Variants in IQGAP2 observed in about 807,000 individuals in gnomAD.
The protein encoded by IQGAP2 is ras GTPase-activating-like protein IQGAP2.
In IQGAP2, 173 loss-of-function variants were observed where a neutral mutation model predicts 201.3. That is an observed-to-expected ratio of 0.86 (90% CI 0.76 to 0.98). The LOEUF (loss-of-function observed/expected upper bound fraction) is 0.98. Ranked by LOEUF, IQGAP2 falls within the 50% of genes least tolerant of loss-of-function variation. IQGAP2 has a pLI of 0.00. For synonymous variants in IQGAP2, 675 were observed against 673.9 expected (o/e 1.00, Z -0.03); for missense variants, 1,687 against 1,864.8 (o/e 0.90, Z 1.76).
At chr5:76,645,644 T>TAGAC (rs1441862055) in intron 17 of IQGAP2, among the ~76,000 whole-genome samples, 32 of 152,346 alleles carry the variant, frequency 2.1e-4, no homozygotes, top group African/African-American at 7.5e-4. Flanking sequence ...CATAAATGTC[T>TAGAC]TCTTTTGAGA....
intron 24 of IQGAP2, 133 bp from the exon 25 acceptor site, chr5:76,673,316 G>C: frequency 1.2e-6 from 1 of 838,386 alleles, no homozygotes; most frequent in Non-Finnish European, 1.8e-6. Context: ...CCCTCATTTA[G>C]TAAACATTTT....
chr5:76,470,424 G>A (rs1271418923), intron 2 of IQGAP2, among the ~76,000 whole-genome samples: 1 of 152,142 alleles, frequency 6.6e-6, no homozygotes, highest in East Asian at 1.9e-4. Flanking sequence ...TTCACAGGGT[G>A]TCTTCATAGG....
At position 76,538,488 on chromosome 5, in the gene IQGAP2, T is replaced by C. The variant is rs540836899; in HGVS notation, c.147-23908T>C. On this transcript the variant is annotated intron_variant, in intron 2 of 35. Coordinates refer to ENST00000274364, the MANE Select transcript of IQGAP2 (RefSeq NM_006633.5). ...GAGGGACCCAGAGCTGACCTCTGCC[T>C]GCCTCAAGCCGGATTACAATTCTGT... is the stretch of plus-strand genomic sequence containing the variant. 3.4e-3 allele frequency among the ~76,000 whole-genome samples: 525 copies of C among 152,356 alleles called. 3 individuals are homozygous for C. Among genetic ancestry groups the C allele is most frequent in the Middle Eastern group, 0.014 (4 of 294 alleles).
chr5:76,562,455 T>C lies in IQGAP2; in HGVS notation c.206T>C (p.Leu69Pro). 1 of 1,613,904 alleles carries C rather than the reference T, an allele frequency of 6.2e-7. No homozygotes were observed. The highest frequency in any genetic ancestry group is 8.5e-7 in the Non-Finnish European group (1 of 1,179,824). Residue 69 changes from leucine (L) to proline (P), a missense_variant, in exon 3 of 36, where the codon CTC (leucine) becomes CCC (proline). Physicochemically the swap from Leu to Pro is moderately conservative, Grantham distance 98. Transcript: ENST00000274364. ...CCAACCACTGAATTGGAAGAAGGGC[T>C]CCGGAATGGAGTTTACCTTGCAAAG... ...LPPTTELEEG[L>P]RNGVYLAKLA...
chr5:76,466,058 C>T (rs1754756285), intron 2 of IQGAP2, among the ~76,000 whole-genome samples: 1 of 151,716 alleles, frequency 6.6e-6, no homozygotes, highest in Non-Finnish European at 1.5e-5. Flanking sequence ...ATATGGTGGC[C>T]AGGTCTGGTG....
chr5:76,542,761 G>A (rs1053757536), intron 2 of IQGAP2, among the ~76,000 whole-genome samples: 4 of 152,128 alleles, frequency 2.6e-5, no homozygotes, highest in African/African-American at 9.7e-5. Flanking sequence ...ATCATGTTTT[G>A]CATCTGCCCA....
intron 3 of IQGAP2, among the ~76,000 whole-genome samples, chr5:76,567,449 TAAC>T (rs1449211323): frequency 1.3e-5 from 2 of 152,340 alleles, no homozygotes; most frequent in African/African-American, 4.8e-5. Flanking sequence ...CTCAATGTAA[TAAC>T]AACAGTATCT....
At chr5:76,496,725 T>TC (rs1554061562) in intron 2 of IQGAP2, among the ~76,000 whole-genome samples, 1 of 93,588 alleles carries the variant, frequency 1.1e-5, no homozygotes, top group Non-Finnish European at 2.0e-5. Context: ...TCTTTCTTTC[T>TC]TTTCTTTCTT....
intron 8 of IQGAP2, among the ~76,000 whole-genome samples, chr5:76,592,026 G>C (rs1746695975): frequency 6.6e-6 from 1 of 152,084 alleles, no homozygotes; most frequent in Admixed American, 6.6e-5. Flanking sequence ...CACCAGTCTT[G>C]CCTCAGTCCT....
At chr5:76,439,507 T>C (rs957884874) in intron 1 of IQGAP2, among the ~76,000 whole-genome samples, 1 of 152,236 alleles carries the variant, frequency 6.6e-6, no homozygotes, top group Admixed American at 6.5e-5. Flanking sequence ...AATAGTTTTA[T>C]GAAGCTGGGA....
At chr5:76,446,841 GA>G (rs2150110327) in intron 1 of IQGAP2, among the ~76,000 whole-genome samples, 1 of 152,270 alleles carries the variant, frequency 6.6e-6, no homozygotes, top group South Asian at 2.1e-4. Context: ...GCCCATCCGT[GA>G]AAAAAGATGT....
At chr5:76,621,780 A>T (rs931361473) in intron 13 of IQGAP2, among the ~76,000 whole-genome samples, 5 of 152,034 alleles carry the variant, frequency 3.3e-5, no homozygotes, top group South Asian at 4.2e-4. Flanking sequence ...TCATTGTTAA[A>T]TTTTTTTATT....
intron 25 of IQGAP2, 101 bp downstream of exon 25, chr5:76,673,690 A>G: frequency 8.1e-7 from 1 of 1,229,460 alleles, no homozygotes; most frequent in Non-Finnish European, 1.2e-6. Flanking sequence ...TTTCCCTTAT[A>G]TTGTGTTTAC....
intron 2 of IQGAP2, among the ~76,000 whole-genome samples, chr5:76,490,653 GA>G (rs1366108008): frequency 6.6e-6 from 1 of 152,086 alleles, no homozygotes; most frequent in Non-Finnish European, 1.5e-5. Flanking sequence ...GTGGCTATGA[GA>G]AAAAAGCTAT....
chr5:76,614,019 T>C (rs1272060188), intron 13 of IQGAP2, among the ~76,000 whole-genome samples: 1 of 152,186 alleles, frequency 6.6e-6, no homozygotes, highest in Non-Finnish European at 1.5e-5. Flanking sequence ...ACGTAGAGTC[T>C]GCTGAATTTA....
At chr5:76,468,999 A>G (rs1754958239) in intron 2 of IQGAP2, among the ~76,000 whole-genome samples, 2 of 152,166 alleles carry the variant, frequency 1.3e-5, no homozygotes, top group African/African-American at 4.8e-5. Flanking sequence ...ATCATTCGCT[A>G]CTAAGGAGGT....
At chr5:76,696,757 G>A (rs975241422) in intron 32 of IQGAP2, among the ~76,000 whole-genome samples, 4 of 151,992 alleles carry the variant, frequency 2.6e-5, no homozygotes, top group African/African-American at 9.7e-5. Flanking sequence ...TGGGAATATG[G>A]GGTAGATAAA....
chr5:76,689,944 G>A (rs1366956821), intron 30 of IQGAP2, among the ~76,000 whole-genome samples: 1 of 152,172 alleles, frequency 6.6e-6, no homozygotes, highest in Non-Finnish European at 1.5e-5. Flanking sequence ...CAGCTTACAA[G>A]CGCCGTATGG....
chr5:76,538,239 A>G (rs1442056880), intron 2 of IQGAP2, among the ~76,000 whole-genome samples: 3 of 152,212 alleles, frequency 2.0e-5, no homozygotes, highest in African/African-American at 7.2e-5. Flanking sequence ...GAACAGCACA[A>G]GAAAGACCCG....
Sources: allele counts gnomAD v4.1 joint callset (sites outside exome capture counted in the v4.1 genomes callset), GRCh38; gene constraint gnomAD v4.1.1; transcripts MANE v1.5; gene names NCBI Gene and HGNC (gene_info 2026-07-23, HGNC 2026-07-21).